Variants in SFMBT2 observed in about 807,000 individuals in gnomAD.
SFMBT2 encodes scm-like with four MBT domains protein 2.
In SFMBT2, 38 loss-of-function variants were observed where a neutral mutation model predicts 110.1. That is an observed-to-expected ratio of 0.35 (90% confidence interval 0.27 to 0.45). The LOEUF is 0.45. Ranked by LOEUF, SFMBT2 falls within the 20% of genes least tolerant of loss-of-function variation. The pLI, the probability that SFMBT2 is intolerant of heterozygous loss-of-function variation, is 1.00. For missense variants in SFMBT2, 1,011 were observed against 1,094.9 expected (o/e 0.92, Z 1.08); for synonymous variants, 425 against 425.4 (o/e 1.00, Z 0.01).
chr10:7,170,916 C>G lies in SFMBT2; in HGVS notation c.2544+12G>C. ...AGCACATCAAACAATCGACACGCGG[C>G]AACCACCGTACCTGCTCCTGAAATA... is the stretch of plus-strand genomic sequence containing the variant. On this transcript the variant is annotated intron_variant, in intron 20 of 20. Transcript: ENST00000397167. This position sits in a 1 kb window ranked among gnomAD's most constrained non-coding sequence, Gnocchi z 4.6. The G allele has an allele frequency of 6.2e-7, 1 of 1,614,114 alleles. No individual in the cohort carries two copies. Among genetic ancestry groups the G allele is most frequent in the Non-Finnish European group, 8.5e-7 (1 of 1,179,966 alleles).
intron 6 of SFMBT2, among the ~76,000 whole-genome samples, chr10:7,277,729 T>C (rs1178688729): frequency 6.6e-6 from 1 of 152,178 alleles, no homozygotes; most frequent in East Asian, 1.9e-4. Flanking sequence ...TAAGACCTTA[T>C]CAAAATAGGA....
intron 4 of SFMBT2, among the ~76,000 whole-genome samples, chr10:7,324,693 G>GT (rs1843320575): frequency 6.6e-6 from 1 of 152,170 alleles, no homozygotes; most frequent in East Asian, 1.9e-4. Context: ...AAACAGAAAC[G>GT]TATCTCACAG....
chr10:7,200,732 G>T (rs559354466), intron 13 of SFMBT2, among the ~76,000 whole-genome samples: 7 of 152,318 alleles, frequency 4.6e-5, no homozygotes, highest in African/African-American at 1.7e-4. Flanking sequence ...AGCTGGTCCT[G>T]ATCAGTGAGT....
At chr10:7,195,672 T>A (rs1838745332) in intron 15 of SFMBT2, among the ~76,000 whole-genome samples, 3 of 152,134 alleles carry the variant, frequency 2.0e-5, no homozygotes, top group Admixed American at 6.6e-5. Flanking sequence ...GCACCCCAGA[T>A]GCCCCAGCCT....
chr10:7,221,545 G>A (rs1393318223), intron 10 of SFMBT2, among the ~76,000 whole-genome samples: 6 of 147,552 alleles, frequency 4.1e-5, no homozygotes, highest in Non-Finnish European at 7.4e-5. Flanking sequence ...CAGCCTGGGC[G>A]ACAGAGTGAG....
chr10:7,368,434 C>T (rs944077568), intron 3 of SFMBT2: 1 of 849,264 alleles, frequency 1.2e-6, no homozygotes, highest in South Asian at 5.4e-5. Flanking sequence ...CTTAACATTG[C>T]AAAGCTGACA....
intron 12 of SFMBT2, chr10:7,204,963 A>G (rs954434238): frequency 1.0e-6 from 1 of 983,108 alleles, no homozygotes; most frequent in Non-Finnish European, 1.2e-6. Flanking sequence ...CTGCTGGGTT[A>G]ACTGTTAATA....
chr10:7,333,720 TTCTC>T (rs1291909889), intron 4 of SFMBT2, among the ~76,000 whole-genome samples: 2 of 146,962 alleles, frequency 1.4e-5, no homozygotes, highest in Non-Finnish European at 3.0e-5. Context: ...CCTCCCCGCT[TTCTC>T]TCTCTCTCTC....
intron 4 of SFMBT2, among the ~76,000 whole-genome samples, chr10:7,315,018 AAG>A (rs1175300250): frequency 7.1e-6 from 1 of 140,838 alleles, no homozygotes; most frequent in African/African-American, 2.7e-5. Context: ...AAAGAAAGAA[AAG>A]AGAGAGAAAG....
At chr10:7,399,437 G>A (rs897778324) in intron 1 of SFMBT2, among the ~76,000 whole-genome samples, 2 of 152,100 alleles carry the variant, frequency 1.3e-5, no homozygotes, top group African/African-American at 4.8e-5. Context: ...TCACCATGTT[G>A]GCCAGGCTAG....
intron 3 of SFMBT2, among the ~76,000 whole-genome samples, chr10:7,369,705 T>C (rs984706110): frequency 6.6e-6 from 1 of 152,202 alleles, no homozygotes; most frequent in African/African-American, 2.4e-5. Context: ...CCATTACACC[T>C]ACTAAGAATA....
At chr10:7,242,558 T>C (rs531560943) in intron 9 of SFMBT2, among the ~76,000 whole-genome samples, 1 of 152,362 alleles carries the variant, frequency 6.6e-6, no homozygotes, top group South Asian at 2.1e-4. Flanking sequence ...CGGAACTCCA[T>C]GACTGCACAA....
intron 6 of SFMBT2, 106 bp from the exon 7 acceptor site, chr10:7,277,095 C>A: frequency 1.4e-6 from 1 of 713,634 alleles, no homozygotes; most frequent in South Asian, 1.5e-5. Flanking sequence ...TCAGCACGGT[C>A]AGTGACCGTG....
At chr10:7,359,608 G>A (rs1352182792) in intron 4 of SFMBT2, among the ~76,000 whole-genome samples, 1 of 152,140 alleles carries the variant, frequency 6.6e-6, no homozygotes, top group Non-Finnish European at 1.5e-5. Context: ...TCATGCTTAC[G>A]GTTTTCATGT....
intron 7 of SFMBT2, among the ~76,000 whole-genome samples, chr10:7,275,480 G>C (rs1181542874): frequency 1.3e-5 from 2 of 152,052 alleles, no homozygotes; most frequent in African/African-American, 4.8e-5. Context: ...AAGAATAAAA[G>C]GGAGAGAAGA....
rs550288733 is a variant in SFMBT2 at position 7,321,294 on chromosome 10, C to T, written c.437-35340G>A. 1.9e-4 allele frequency among the ~76,000 whole-genome samples: 29 copies of T among 152,004 alleles called. No individual in the cohort carries two copies. The East Asian group carries it at 5.0e-3, about 26-fold the overall frequency. On this transcript the variant is annotated intron_variant, in intron 4 of 20. Coordinates refer to ENST00000397167, the MANE Select transcript of SFMBT2 (RefSeq NM_001387889.1). ...TCGGCTCACGGCAAGCTCCGCCTCC[C>T]GGGTTCATGCCATTCTCCTGCCTCA...
chr10:7,164,882 A>G (rs1449569193), intron 20 of SFMBT2, among the ~76,000 whole-genome samples: 2 of 152,032 alleles, frequency 1.3e-5, no homozygotes, highest in Non-Finnish European at 2.9e-5. Flanking sequence ...TTCTCTACCT[A>G]CACACAGGGC....
intron 4 of SFMBT2, among the ~76,000 whole-genome samples, chr10:7,309,517 A>C (rs1453547091): frequency 1.3e-5 from 2 of 152,196 alleles, no homozygotes; most frequent in African/African-American, 4.8e-5. Context: ...CCCAGGATAG[A>C]AGATAGCTGG....
chr10:7,272,987 G>A (rs767540446), intron 7 of SFMBT2, among the ~76,000 whole-genome samples: 4 of 152,166 alleles, frequency 2.6e-5, no homozygotes, highest in Non-Finnish European at 5.9e-5. Flanking sequence ...TAGAGACAGG[G>A]TTTTATCATA....
Sources: allele counts gnomAD v4.1 joint callset (sites outside exome capture counted in the v4.1 genomes callset), GRCh38; gene constraint gnomAD v4.1.1; non-coding constraint Gnocchi (gnomAD v3.1); transcripts MANE v1.5; gene names NCBI Gene and HGNC (gene_info 2026-07-23, HGNC 2026-07-21).